The following ROBO1 variants were observed in gnomAD, a reference collection of about 807,000 sequenced individuals.
ROBO1 encodes the protein roundabout guidance receptor 1.
A neutral mutation model predicts 195.9 loss-of-function variants in ROBO1; 149 were observed. The ratio of observed to expected loss-of-function variants is 0.76; its 90% CI spans 0.67 to 0.87. The LOEUF is 0.87. Ranked by LOEUF, ROBO1 falls within the 40% of genes least tolerant of loss-of-function variation. ROBO1 has a pLI of 0.00. For missense variants in ROBO1, 1,933 were observed against 2,068.3 expected (o/e 0.93, Z 1.27); for synonymous variants, 816 against 733.2 (o/e 1.11, Z -1.82).
chr3:78,957,758 T>C (rs865912224), intron 3 of ROBO1, among the ~76,000 whole-genome samples: 5 of 152,184 alleles, frequency 3.3e-5, no homozygotes, highest in Admixed American at 1.3e-4. Context: ...ATAGACCTAA[T>C]TGTCTTACTT....
intron 2 of ROBO1, among the ~76,000 whole-genome samples, chr3:79,545,059 ATACT>A (rs1259944389): frequency 6.6e-6 from 1 of 152,152 alleles, no homozygotes; most frequent in Non-Finnish European, 1.5e-5. Context: ...CCTTACATAG[ATACT>A]TAAATAGTAT....
chr3:78,781,910 C>A (rs897661552), intron 4 of ROBO1, among the ~76,000 whole-genome samples: 1 of 151,960 alleles, frequency 6.6e-6, no homozygotes, highest in Non-Finnish European at 1.5e-5. Flanking sequence ...TGTAAATGTA[C>A]AAAAGTGTAC....
intron 1 of ROBO1, among the ~76,000 whole-genome samples, chr3:79,703,000 C>A (rs541173564): frequency 6.6e-6 from 1 of 151,796 alleles, no homozygotes; most frequent in East Asian, 1.9e-4. Context: ...ACCTACTATT[C>A]CCTTGGATAT....
At chr3:78,617,441 C>T (rs1704174866) in intron 27 of ROBO1, among the ~76,000 whole-genome samples, 194 bp downstream of exon 27, 1 of 151,098 alleles carries the variant, frequency 6.6e-6, no homozygotes, top group African/African-American at 2.4e-5. Context: ...TTTAAAAAGC[C>T]TTGTCAAGGA....
At chr3:79,727,424 T>C (rs1702969865) in intron 1 of ROBO1, among the ~76,000 whole-genome samples, 2 of 152,212 alleles carry the variant, frequency 1.3e-5, no homozygotes, top group Non-Finnish European at 2.9e-5. Context: ...AAGGTTTTAA[T>C]TTAAAAATAA....
intron 2 of ROBO1, among the ~76,000 whole-genome samples, chr3:79,241,063 T>C (rs1455442754): frequency 6.6e-6 from 1 of 152,204 alleles, no homozygotes; most frequent in Non-Finnish European, 1.5e-5. Flanking sequence ...TTTGCAAACA[T>C]TTTATTTTCA....
intron 3 of ROBO1, among the ~76,000 whole-genome samples, chr3:79,077,951 C>T (rs966804773): frequency 1.3e-5 from 2 of 151,752 alleles, no homozygotes; most frequent in African/African-American, 4.8e-5. Flanking sequence ...GTGTTCAGTG[C>T]TAGTTATTAT....
intron 3 of ROBO1, among the ~76,000 whole-genome samples, chr3:78,997,908 G>T (rs1235649266): frequency 1.3e-5 from 2 of 152,114 alleles, no homozygotes; most frequent in Non-Finnish European, 1.5e-5. Flanking sequence ...TCTATCTTTG[G>T]AAATGAGAAG....
At chr3:79,227,202 A>G (rs114258553) in intron 2 of ROBO1, among the ~76,000 whole-genome samples, 3,328 of 152,122 alleles carry the variant, frequency 0.022, 111 homozygotes, top group African/African-American at 0.074. Flanking sequence ...CTTCACCTTC[A>G]CTGGCTCCCT....
chr3:79,481,507 T>C (rs1208598667), intron 2 of ROBO1, among the ~76,000 whole-genome samples: 1 of 152,220 alleles, frequency 6.6e-6, no homozygotes, highest in Non-Finnish European at 1.5e-5. Flanking sequence ...AGAGGTAGAA[T>C]TAGTCTATTA....
chr3:79,477,494 A>G (rs9853440), intron 2 of ROBO1, among the ~76,000 whole-genome samples: 2,488 of 152,238 alleles, frequency 0.016, 30 homozygotes, highest in Non-Finnish European at 0.025. Context: ...GATGAGAGGG[A>G]TGATTTATGA....
chr3:79,420,600 C>T (rs1277986424), intron 2 of ROBO1, among the ~76,000 whole-genome samples: 4 of 152,094 alleles, frequency 2.6e-5, no homozygotes, highest in East Asian at 1.9e-4. Flanking sequence ...CCCATGAAGA[C>T]GTAGAGTCTC....
intron 1 of ROBO1, among the ~76,000 whole-genome samples, chr3:79,665,379 T>G (rs1164389746): frequency 6.6e-6 from 1 of 151,924 alleles, no homozygotes; most frequent in East Asian, 1.9e-4. Context: ...CCTTGTTTTA[T>G]TCTCACAATA....
At chr3:78,686,546 CTT>C (rs1267017403) in intron 9 of ROBO1, among the ~76,000 whole-genome samples, 1 of 103,410 alleles carries the variant, frequency 9.7e-6, no homozygotes, top group Non-Finnish European at 2.0e-5. Flanking sequence ...CAGAGCGAGA[CTT>C]TGTCTCAAAA....
chr3:78,999,381 T>C (rs1455664064), intron 3 of ROBO1, among the ~76,000 whole-genome samples: 1 of 152,150 alleles, frequency 6.6e-6, no homozygotes, highest in Non-Finnish European at 1.5e-5. Context: ...CATGAAATCA[T>C]GTTCTTTGCA....
intron 2 of ROBO1, among the ~76,000 whole-genome samples, chr3:79,558,786 T>C (rs1942803536): frequency 6.6e-6 from 1 of 152,276 alleles, no homozygotes; most frequent in African/African-American, 2.4e-5. Flanking sequence ...AATAGCAGAG[T>C]ATGTGCAGAA....
chr3:79,729,641 A>G (rs552647775), intron 1 of ROBO1, among the ~76,000 whole-genome samples: 1 of 152,310 alleles, frequency 6.6e-6, no homozygotes, highest in African/African-American at 2.4e-5. Flanking sequence ...GCTTATACAC[A>G]TAATTTGCTC....
chr3:79,564,680 G>T (rs912433389), intron 2 of ROBO1, among the ~76,000 whole-genome samples: 2 of 151,908 alleles, frequency 1.3e-5, no homozygotes, highest in Non-Finnish European at 2.9e-5. Context: ...CTAACTTTTT[G>T]TTTAAAAAGC....
chr3:79,755,435 A>T (rs966757990), intron 1 of ROBO1, among the ~76,000 whole-genome samples: 1 of 152,060 alleles, frequency 6.6e-6, no homozygotes, highest in Non-Finnish European at 1.5e-5. Flanking sequence ...AAAACAAAAA[A>T]ACCCTCACAG....
Sources: gnomAD v4.1 joint callset for allele counts (sites outside exome capture counted in the v4.1 genomes callset) on GRCh38, gnomAD v4.1.1 for gene constraint, MANE v1.5 for transcripts, NCBI Gene and HGNC (gene_info 2026-07-23, HGNC 2026-07-21) for gene names.